Variants in TAOK1 observed in about 807,000 individuals in gnomAD.
TAOK1 encodes serine/threonine-protein kinase TAO1.
Under a neutral mutation model 138.3 loss-of-function variants are expected in TAOK1, and 21 were observed. That is an observed-to-expected ratio of 0.15 (90% confidence interval 0.11 to 0.22). The LOEUF is 0.22. Ranked by LOEUF, TAOK1 falls within the 10% of genes least tolerant of loss-of-function variation. TAOK1 has a pLI of 1.00. For missense variants in TAOK1, 651 were observed against 1,227.7 expected (o/e 0.53, Z 7.02); for synonymous variants, 361 against 398.4 (o/e 0.91, Z 1.12).
intron 15 of TAOK1, chr17:29,513,183 T>C (rs996949105): frequency 1.3e-5 from 2 of 152,112 alleles, no homozygotes; most frequent in African/African-American, 4.8e-5. Context: ...TTTTTGTATG[T>C]GTAGGAATTT....
chr17:29,411,509 A>G (rs1318318868), intron 1 of TAOK1, among the ~76,000 whole-genome samples: 1 of 151,872 alleles, frequency 6.6e-6, no homozygotes, highest in African/African-American at 2.4e-5. Flanking sequence ...CTCCTGCCTC[A>G]GCCTCCCAAG....
At chr17:29,463,390 C>T (rs1255864152) in intron 2 of TAOK1, among the ~76,000 whole-genome samples, 2 of 151,842 alleles carry the variant, frequency 1.3e-5, no homozygotes, top group Non-Finnish European at 2.9e-5. Flanking sequence ...GCCAACGTGG[C>T]GAAACCCCAT....
intron 8 of TAOK1, among the ~76,000 whole-genome samples, chr17:29,488,650 A>G (rs544385566): frequency 5.7e-4 from 86 of 151,440 alleles, no homozygotes; most frequent in African/African-American, 2.0e-3. Context: ...TTTTCGCCAA[A>G]TATTTTCAGT....
At chr17:29,515,827 C>T (rs111885405) in intron 15 of TAOK1, among the ~76,000 whole-genome samples, 57,286 of 151,296 alleles carry the variant, frequency 0.38, 12,041 homozygotes, top group Non-Finnish European at 0.48. Context: ...CAGAGCAAGA[C>T]TCTGTCTCAA....
intron 3 of TAOK1, among the ~76,000 whole-genome samples, chr17:29,468,609 G>A (rs1316908739): frequency 6.6e-6 from 1 of 151,108 alleles, no homozygotes; most frequent in Non-Finnish European, 1.5e-5. Flanking sequence ...GTGCAGTGGC[G>A]CGATCTTGGC....
At chr17:29,442,583 G>T (rs2029974242) in intron 1 of TAOK1, among the ~76,000 whole-genome samples, 1 of 151,938 alleles carries the variant, frequency 6.6e-6, no homozygotes. Flanking sequence ...GAACAGTGTT[G>T]AATAATAAAG....
chr17:29,455,497 C>T lies in TAOK1; in HGVS notation c.132+3817C>T, dbSNP rs554655761. On this transcript the variant is annotated intron_variant, in intron 2 of 19. Transcript: ENST00000261716. The stretch of plus-strand genomic sequence containing the variant: ...GTCTTGATACCCTGGGCTAGAACTT[C>T]CAGTACAGTGTTGAACAGCCGTGGT... Among the ~76,000 whole-genome samples the T allele has an allele frequency of 3.3e-5, 5 of 150,630 alleles. No homozygotes were observed. In the South Asian group the frequency reaches 8.3e-4, roughly 25 times the overall value.
At chr17:29,468,687 A>G (rs957255602) in intron 3 of TAOK1, among the ~76,000 whole-genome samples, 2 of 151,890 alleles carry the variant, frequency 1.3e-5, no homozygotes, top group African/African-American at 4.8e-5. Context: ...AGCTGGGATT[A>G]CAGGCGCCTG....
chr17:29,542,783 G>C lies in TAOK1; in HGVS notation c.2767G>C (p.Gly923Arg). 1 of 1,614,160 alleles carries C rather than the reference G, an allele frequency of 6.2e-7. No individual in the cohort carries two copies. ...NPTGGPGPHW[G>R]HPMGGPPQAW... Reference sequence around the variant, plus strand: ...TACTGGGGGTCCAGGACCTCACTGGGGTCATCCCATGGGTGGCCCACCACA... The same window carrying C: ...TACTGGGGGTCCAGGACCTCACTGGCGTCATCCCATGGGTGGCCCACCACA... The change falls in exon 20 of 20, where the codon GGT (glycine) becomes CGT (arginine). Residue 923 changes from glycine to arginine, a missense_variant. Coordinates refer to ENST00000261716, the MANE Select transcript of TAOK1 (RefSeq NM_020791.4).
chr17:29,433,820 C>G (rs930584101), intron 1 of TAOK1, among the ~76,000 whole-genome samples: 1 of 152,148 alleles, frequency 6.6e-6, no homozygotes, highest in Non-Finnish European at 1.5e-5. Context: ...ATCTCATTTC[C>G]CCTCTAATCT....
chr17:29,424,695 A>G (rs1033053133), intron 1 of TAOK1: 2 of 152,112 alleles, frequency 1.3e-5, no homozygotes, highest in African/African-American at 4.8e-5. Flanking sequence ...GCTGACCTTT[A>G]GTTTCTCTTT....
chr17:29,498,904 C>T (rs541617430), intron 12 of TAOK1, among the ~76,000 whole-genome samples: 7 of 150,510 alleles, frequency 4.7e-5, no homozygotes, highest in South Asian at 4.2e-4. Flanking sequence ...CCAGCCTGGG[C>T]GACAGAGTGA....
chr17:29,451,377 A>T, intron 1 of TAOK1, 78 bp from the exon 2 acceptor site: 1 of 558,514 alleles, frequency 1.8e-6, no homozygotes, highest in Non-Finnish European at 2.8e-6. Context: ...ATAAATTTGT[A>T]GATCAGTATA....
chr17:29,496,739 C>G (rs1173464176), intron 11 of TAOK1, among the ~76,000 whole-genome samples: 3 of 150,934 alleles, frequency 2.0e-5, no homozygotes, highest in Admixed American at 6.7e-5. Flanking sequence ...AGGTGCGCCA[C>G]CACGCCCAAC....
At chr17:29,542,491 T>C (rs956491706) in intron 19 of TAOK1, 70 bp from the exon 20 acceptor site, 8 of 1,375,552 alleles carry the variant, frequency 5.8e-6, no homozygotes, top group Non-Finnish European at 7.9e-6. Flanking sequence ...AGCTGAATAA[T>C]TATTGCTTCC....
chr17:29,550,182 C>T lies in TAOK1; in HGVS notation c.*7160C>T, dbSNP rs1034853119. On this transcript the variant is annotated 3_prime_UTR_variant, in exon 20 of 20. Coordinates refer to ENST00000261716, the MANE Select transcript of TAOK1 (RefSeq NM_020791.4). ...TCATTTTACCTTTTCTTTTATGATC[C>T]TTCTCTGCTAGAACAGGTTAATTCT... The T allele has an allele frequency of 6.6e-6, 1 of 152,062 alleles. No individual in the cohort carries two copies. The highest frequency in any genetic ancestry group is 2.4e-5 in the African/African-American group (1 of 41,398). The allele number at this position is 152,062 out of a possible 1,614,324, so 9.4% of individuals were successfully genotyped here. A position where few individuals can be genotyped will look rare whatever the true frequency, so the allele number is the denominator to read the frequency against.
intron 18 of TAOK1, among the ~76,000 whole-genome samples, chr17:29,533,249 C>T (rs1445917672): frequency 4.8e-5 from 7 of 145,190 alleles, no homozygotes; most frequent in Admixed American, 6.8e-5. Flanking sequence ...GATGGGCGGC[C>T]GGGCAGAGAC....
intron 13 of TAOK1, among the ~76,000 whole-genome samples, chr17:29,502,954 T>G (rs1194181550): frequency 2.6e-5 from 4 of 152,194 alleles, no homozygotes; most frequent in Admixed American, 1.3e-4. Flanking sequence ...TAGAATATCT[T>G]AAATAAGATA....
intron 3 of TAOK1, among the ~76,000 whole-genome samples, chr17:29,470,877 C>T (rs2153026004): frequency 6.6e-6 from 1 of 152,282 alleles, no homozygotes; most frequent in South Asian, 2.1e-4. Context: ...AATCCCAGCA[C>T]TTTGGAAGGC....
Sources: gnomAD v4.1 joint callset for allele counts (sites outside exome capture counted in the v4.1 genomes callset) on GRCh38, gnomAD v4.1.1 for gene constraint, MANE v1.5 for transcripts, NCBI Gene and HGNC (gene_info 2026-07-23, HGNC 2026-07-21) for gene names.